MECOM: variants seen among roughly 807,000 people sequenced by gnomAD.
MECOM encodes the protein MDS1 and EVI1 complex locus.
A neutral mutation model predicts 116.3 loss-of-function variants in MECOM; 13 were observed. The ratio of observed to expected loss-of-function variants is 0.11; its 90% CI spans 0.07 to 0.18. MECOM has a LOEUF of 0.18. Among genes scored for constraint, MECOM ranks in the 10% least tolerant of loss-of-function variants. The pLI is 1.00. For synonymous variants in MECOM, 528 were observed against 535.2 expected, an observed-to-expected ratio of 0.99 and a Z score of 0.19; for missense variants, 1,299 against 1,509.0, an observed-to-expected ratio of 0.86 and a Z score of 2.31.
intron 1 of MECOM, among the ~76,000 whole-genome samples, chr3:169,455,448 A>T (rs1746315992): frequency 6.6e-6 from 1 of 152,220 alleles, no homozygotes; most frequent in East Asian, 1.9e-4. Context: ...AAACTTTGAC[A>T]GTTGAACAAG....
chr3:169,092,960 C>T lies in MECOM; in HGVS notation c.3162G>A (p.Glu1054=). 6.2e-7 allele frequency: 1 copy of T among 1,613,738 alleles called. No homozygotes were observed. The highest frequency in any genetic ancestry group is 8.5e-7 in the Non-Finnish European group (1 of 1,179,718). ...HGSQSPRNVE[E]RMNGSHFKDE... ...TAAAAAGTAAAAGACAGCTTTACCTCTCCTCCACATTCCTGGGAGATTGGC... is the reference window on the plus strand; with the variant it reads ...TAAAAAGTAAAAGACAGCTTTACCTTTCCTCCACATTCCTGGGAGATTGGC... Residue 1054 remains glutamate, a splice_region_variant and synonymous_variant, in exon 14 of 17, where the codon GAG becomes GAA. Transcript: ENST00000651503.
At chr3:169,266,081 C>G (rs1185545889) in intron 2 of MECOM, among the ~76,000 whole-genome samples, 1 of 152,128 alleles carries the variant, frequency 6.6e-6, no homozygotes, top group Non-Finnish European at 1.5e-5. Flanking sequence ...AGTCAGACAT[C>G]AAGGAGGATT....
intron 2 of MECOM, among the ~76,000 whole-genome samples, chr3:169,215,884 C>G (rs1751365819): frequency 6.6e-6 from 1 of 152,210 alleles, no homozygotes; most frequent in Non-Finnish European, 1.5e-5. Context: ...TCCGCCTCAG[C>G]TGGCATCTAG....
intron 2 of MECOM, among the ~76,000 whole-genome samples, chr3:169,238,907 A>G (rs933538627): frequency 6.6e-6 from 1 of 152,152 alleles, no homozygotes; most frequent in African/African-American, 2.4e-5. Flanking sequence ...TTAATCCTAT[A>G]AAATGCTAAT....
At chr3:169,198,158 C>A (rs1257451886) in intron 2 of MECOM, among the ~76,000 whole-genome samples, 1 of 151,842 alleles carries the variant, frequency 6.6e-6, no homozygotes, top group African/African-American at 2.4e-5. Flanking sequence ...ATTCTTCTGA[C>A]AATAAAAGAT....
intron 2 of MECOM, among the ~76,000 whole-genome samples, chr3:169,361,908 T>A (rs1045375901): frequency 6.6e-6 from 1 of 151,848 alleles, no homozygotes; most frequent in Non-Finnish European, 1.5e-5. Context: ...AATAGAATTA[T>A]CTCTCTAAAC....
intron 2 of MECOM, among the ~76,000 whole-genome samples, chr3:169,275,796 T>A (rs368749895): frequency 3.3e-5 from 5 of 152,330 alleles, no homozygotes; most frequent in East Asian, 1.9e-4. Context: ...TACTCCTGAT[T>A]CTAACAAGTA....
At chr3:169,619,844 G>A (rs1289524806) in intron 1 of MECOM, among the ~76,000 whole-genome samples, 1 of 152,162 alleles carries the variant, frequency 6.6e-6, no homozygotes, top group Non-Finnish European at 1.5e-5. Flanking sequence ...CCTGTAGGAG[G>A]TGCTAGTCAT....
chr3:169,265,787 A>G (rs1425044129), intron 2 of MECOM, among the ~76,000 whole-genome samples: 1 of 152,198 alleles, frequency 6.6e-6, no homozygotes, highest in African/African-American at 2.4e-5. Context: ...GGCATATCAG[A>G]TTCTAATTCT....
chr3:169,244,213 A>T (rs1755262507), intron 2 of MECOM, among the ~76,000 whole-genome samples: 1 of 152,210 alleles, frequency 6.6e-6, no homozygotes, highest in African/African-American at 2.4e-5. Context: ...TTTCACCCAC[A>T]GGCAATGTAA....
chr3:169,501,991 T>C (rs945787079), intron 1 of MECOM, among the ~76,000 whole-genome samples: 7 of 152,122 alleles, frequency 4.6e-5, no homozygotes, highest in African/African-American at 1.7e-4. Context: ...TGCTACACAG[T>C]GCATTAGACT....
Position 169,090,244 on chromosome 3 carries a change from A to G in MECOM, c.3165-8T>C, listed in dbSNP as rs760451607. The G allele has an allele frequency of 3.2e-6, 5 of 1,584,008 alleles. No individual in the cohort carries two copies. Among genetic ancestry groups the G allele is most frequent in the Non-Finnish European group, 4.3e-6 (5 of 1,170,796 alleles). On this transcript the variant is annotated splice_region_variant and splice_polypyrimidine_tract_variant and intron_variant, in intron 14 of 16. Coordinates refer to ENST00000651503, the MANE Select transcript of MECOM (RefSeq NM_004991.4). ...AAATGACTGCCATTCATTCTTTCAA[A>G]AGCATTAAAAAAAAAGTCCAATTGT... is the stretch of plus-strand genomic sequence containing the variant.
chr3:169,225,047 C>T (rs148236993), intron 2 of MECOM, among the ~76,000 whole-genome samples: 4 of 152,132 alleles, frequency 2.6e-5, no homozygotes, highest in East Asian at 1.9e-4. Flanking sequence ...CTTAAAGAAA[C>T]GTGATTTTCA....
chr3:169,494,523 A>G (rs1434024700), intron 1 of MECOM, among the ~76,000 whole-genome samples: 1 of 152,266 alleles, frequency 6.6e-6, no homozygotes. Flanking sequence ...AGGTGTAAGC[A>G]TTGAAATACA....
intron 2 of MECOM, among the ~76,000 whole-genome samples, chr3:169,191,391 A>G (rs1305455175): frequency 1.3e-5 from 2 of 151,978 alleles, no homozygotes; most frequent in Non-Finnish European, 2.9e-5. Context: ...CCAAGAGGGT[A>G]TATATAAAAC....
At chr3:169,648,382 T>A (rs1225033744) in intron 1 of MECOM, among the ~76,000 whole-genome samples, 1 of 152,188 alleles carries the variant, frequency 6.6e-6, no homozygotes, top group Non-Finnish European at 1.5e-5. Flanking sequence ...ACATTTCCCA[T>A]CCTCTAATGA....
At chr3:169,305,017 A>C (rs1188983391) in intron 2 of MECOM, among the ~76,000 whole-genome samples, 2 of 152,234 alleles carry the variant, frequency 1.3e-5, no homozygotes, top group Non-Finnish European at 2.9e-5. Context: ...TTTCACCAGT[A>C]AATTTACACT....
intron 2 of MECOM, among the ~76,000 whole-genome samples, chr3:169,319,864 T>C (rs1196834642): frequency 3.9e-5 from 6 of 152,244 alleles, no homozygotes; most frequent in Non-Finnish European, 7.3e-5. Flanking sequence ...ACCAGTTAAC[T>C]GTCTTGGTTA....
intron 1 of MECOM, among the ~76,000 whole-genome samples, chr3:169,652,085 A>C (rs985357949): frequency 4.6e-5 from 7 of 152,198 alleles, no homozygotes; most frequent in Non-Finnish European, 1.0e-4. Flanking sequence ...AAGGTGAATC[A>C]AGTCTGAAAA....
Sources: gnomAD v4.1 joint callset for allele counts (sites outside exome capture counted in the v4.1 genomes callset) on GRCh38, gnomAD v4.1.1 for gene constraint, MANE v1.5 for transcripts, NCBI Gene and HGNC (gene_info 2026-07-23, HGNC 2026-07-21) for gene names.